EPHA6: variants seen among roughly 807,000 people sequenced by gnomAD.
The protein encoded by EPHA6 is ephrin type-A receptor 6.
EPHA6 carries 50 observed loss-of-function variants against 112.0 expected under a neutral mutation model. The observed-to-expected ratio is 0.45, with a 90% CI of 0.36 to 0.56. EPHA6 has a LOEUF of 0.56. EPHA6 is among the 20% of genes least tolerant of loss of function. The pLI is 0.00. For missense variants in EPHA6, 1,280 were observed against 1,417.4 expected (o/e 0.90, Z 1.56); for synonymous variants, 529 against 490.7 (o/e 1.08, Z -1.03).
intron 3 of EPHA6, among the ~76,000 whole-genome samples, chr3:97,103,394 A>G (rs566468087): frequency 1.3e-5 from 2 of 152,150 alleles, no homozygotes; most frequent in Admixed American, 6.6e-5. Flanking sequence ...TTTACTGAAT[A>G]GGGAGTTCTT....
At chr3:97,111,376 A>G (rs2047719724) in intron 3 of EPHA6, among the ~76,000 whole-genome samples, 1 of 152,122 alleles carries the variant, frequency 6.6e-6, no homozygotes, top group African/African-American at 2.4e-5. Flanking sequence ...CTGGTTAAGT[A>G]CTTGTTTTCA....
intron 3 of EPHA6, among the ~76,000 whole-genome samples, chr3:97,069,900 T>C (rs1160411525): frequency 6.6e-6 from 1 of 152,102 alleles, no homozygotes; most frequent in Non-Finnish European, 1.5e-5. Flanking sequence ...ATTTTCTATA[T>C]ATATTAATAG....
chr3:97,377,902 A>G (rs1395877370), intron 5 of EPHA6, among the ~76,000 whole-genome samples: 1 of 152,154 alleles, frequency 6.6e-6, no homozygotes, highest in East Asian at 1.9e-4. Flanking sequence ...AAAGTTTGGA[A>G]AATTTGCAGA....
intron 10 of EPHA6, among the ~76,000 whole-genome samples, chr3:97,524,104 T>C (rs1304599900): frequency 6.6e-6 from 1 of 152,068 alleles, no homozygotes; most frequent in Non-Finnish European, 1.5e-5. Flanking sequence ...TATGGATAGA[T>C]ATGGACTTAC....
intron 11 of EPHA6, among the ~76,000 whole-genome samples, chr3:97,537,214 G>A (rs1173029312): frequency 6.6e-6 from 1 of 152,128 alleles, no homozygotes; most frequent in Non-Finnish European, 1.5e-5. Context: ...ATTGTATGGG[G>A]TAAAATATTC....
At chr3:96,889,708 A>G (rs556100971) in intron 2 of EPHA6, among the ~76,000 whole-genome samples, 1 of 152,336 alleles carries the variant, frequency 6.6e-6, no homozygotes, top group Admixed American at 6.5e-5. Flanking sequence ...TTGTATGCAA[A>G]TTCAAAGAAT....
chr3:97,662,801 T>C (rs932665220), intron 14 of EPHA6, among the ~76,000 whole-genome samples: 5 of 152,198 alleles, frequency 3.3e-5, no homozygotes, highest in African/African-American at 1.2e-4. Context: ...AGTGACGAGC[T>C]ATGTAGCAGG....
intron 3 of EPHA6, among the ~76,000 whole-genome samples, chr3:97,036,584 C>T (rs2045105001): frequency 6.6e-6 from 1 of 151,802 alleles, no homozygotes; most frequent in Non-Finnish European, 1.5e-5. Flanking sequence ...TATTTGAGTC[C>T]CTTTGTATAC....
chr3:97,647,133 G>C (rs571719740), intron 14 of EPHA6, among the ~76,000 whole-genome samples: 1 of 152,116 alleles, frequency 6.6e-6, no homozygotes, highest in African/African-American at 2.4e-5. Flanking sequence ...CCAGCACATT[G>C]TACTGTTATT....
Position 96,825,208 on chromosome 3 carries a change from T to C in EPHA6, c.385+10200T>C, listed in dbSNP as rs567577955. ...TGCATTTAAGGATAAAAAATTAATA[T>C]CCAAGTGAATAATGTTAGATTGAGC... On this transcript the variant is annotated intron_variant, in intron 1 of 17. Transcript: ENST00000389672. 5.3e-5 allele frequency among the ~76,000 whole-genome samples: 8 copies of C among 151,938 alleles called. No individual in the cohort carries two copies. In the South Asian group the frequency reaches 1.2e-3, roughly 24 times the overall value.
At chr3:97,146,575 T>A (rs76274129) in intron 3 of EPHA6, among the ~76,000 whole-genome samples, 366 of 152,030 alleles carry the variant, frequency 2.4e-3, no homozygotes, top group African/African-American at 8.5e-3. Context: ...CCATGACTCT[T>A]GTACTCTCTA....
intron 5 of EPHA6, among the ~76,000 whole-genome samples, chr3:97,284,218 T>G (rs1392817490): frequency 1.3e-5 from 2 of 152,194 alleles, no homozygotes; most frequent in Admixed American, 1.3e-4. Flanking sequence ...TACTTCTTTC[T>G]AAACTAGATA....
At chr3:97,009,843 C>G (rs2107937371) in intron 3 of EPHA6, among the ~76,000 whole-genome samples, 1 of 152,158 alleles carries the variant, frequency 6.6e-6, no homozygotes, top group East Asian at 1.9e-4. Context: ...GAACAGACTC[C>G]CCTTCCCTTG....
chr3:96,991,262 A>G (rs1236847448), intron 3 of EPHA6, among the ~76,000 whole-genome samples: 1 of 152,340 alleles, frequency 6.6e-6, no homozygotes, highest in East Asian at 1.9e-4. Context: ...GCTATGAGAC[A>G]AAACAGCCCA....
intron 2 of EPHA6, among the ~76,000 whole-genome samples, chr3:96,901,792 C>T (rs1027430768): frequency 6.6e-6 from 1 of 152,094 alleles, no homozygotes; most frequent in Non-Finnish European, 1.5e-5. Context: ...TTCAGGTTGC[C>T]ACTACTCTCC....
intron 2 of EPHA6, among the ~76,000 whole-genome samples, chr3:96,885,436 CTTCCTGA>C (rs540741931): frequency 6.6e-6 from 1 of 152,084 alleles, no homozygotes; most frequent in Non-Finnish European, 1.5e-5. Context: ...GTATCTAATT[CTTCCTGA>C]TTTAAGCTAG....
intron 1 of EPHA6, among the ~76,000 whole-genome samples, chr3:96,857,838 T>G (rs2035785245): frequency 6.6e-6 from 1 of 152,172 alleles, no homozygotes; most frequent in African/African-American, 2.4e-5. Context: ...GATTTTCATT[T>G]AAATTATTTT....
rs997064838 is a variant in EPHA6 at position 97,690,772 on chromosome 3, C to T, written c.2785-29489C>T. Among the ~76,000 whole-genome samples, 6 of 152,100 alleles carry T rather than the reference C, an allele frequency of 3.9e-5. No homozygotes were observed. The South Asian group carries it at 8.3e-4, about 21-fold the overall frequency. On this transcript the variant is annotated intron_variant, in intron 14 of 17. Transcript: ENST00000389672. The stretch of plus-strand genomic sequence containing the variant: ...TGTGAGCCACCATGCCCAGCCTTGC[C>T]CATTTTTTAAATTGAGCTATTTGTC...
intron 5 of EPHA6, among the ~76,000 whole-genome samples, chr3:97,403,851 C>G (rs749731951): frequency 6.6e-6 from 1 of 152,126 alleles, no homozygotes; most frequent in African/African-American, 2.4e-5. Context: ...TAGTGTTTAT[C>G]CTATTGCCTT....
Sources: gnomAD v4.1 joint callset for allele counts (sites outside exome capture counted in the v4.1 genomes callset) on GRCh38, gnomAD v4.1.1 for gene constraint, MANE v1.5 for transcripts, NCBI Gene and HGNC (gene_info 2026-07-23, HGNC 2026-07-21) for gene names.